Variants in ATF7IP2 observed in about 807,000 individuals in gnomAD.
ATF7IP2 encodes activating transcription factor 7-interacting protein 2.
A neutral mutation model predicts 64.2 loss-of-function variants in ATF7IP2; 42 were observed. The ratio of observed to expected loss-of-function variants is 0.65; its 90% confidence interval spans 0.51 to 0.85. ATF7IP2 has a LOEUF of 0.85. ATF7IP2 is among the 40% of genes least tolerant of loss of function. The probability of loss-of-function intolerance (pLI) is 0.00; values close to 1 mark genes in which losing one functional copy is unlikely to be tolerated. For missense variants in ATF7IP2, 933 were observed against 784.2 expected, an observed-to-expected ratio of 1.19 and a Z score of -2.27; for synonymous variants, 308 against 272.8, an observed-to-expected ratio of 1.13 and a Z score of -1.27.
chr16:10,479,958 C>CTTTTTTT (rs201158427), intron 12 of ATF7IP2, among the ~76,000 whole-genome samples: 27 of 80,588 alleles, frequency 3.4e-4, no homozygotes, highest in Admixed American at 9.9e-4. Flanking sequence ...ACTGGAAATA[C>CTTTTTTT]TTTTTTTTTT....
rs759906682 is a variant in ATF7IP2 at position 10,480,915 on chromosome 16, C to T, written c.1586C>T (p.Ala529Val). 1 of 1,613,240 alleles carries T rather than the reference C, an allele frequency of 6.2e-7. No individual in the cohort carries two copies. Among genetic ancestry groups the T allele is most frequent in the South Asian group, 1.1e-5 (1 of 91,046 alleles). ...PVSPLESHSK[A>V]ASNSKETTPL... ...TCCCCCCTGGAGTCACATTCGAAAG[C>T]TGCTTCAAACTCAAAGGAAACAACC... Residue 529 changes from alanine to valine, a missense_variant, in exon 13 of 14, where the codon GCT becomes GTT. Physicochemically the swap from Ala to Val is moderately conservative, Grantham distance 64 (BLOSUM62 0). Transcript: ENST00000562102.
intron 1 of ATF7IP2, among the ~76,000 whole-genome samples, chr16:10,408,752 T>A (rs1488286696): frequency 6.6e-6 from 1 of 152,246 alleles, no homozygotes; most frequent in Middle Eastern, 3.2e-3. Context: ...ATTTGTTGGA[T>A]GTATAGGTTA....
intron 1 of ATF7IP2, among the ~76,000 whole-genome samples, chr16:10,406,296 G>C (rs1436341731): frequency 6.6e-6 from 1 of 152,006 alleles, no homozygotes; most frequent in Non-Finnish European, 1.5e-5. Flanking sequence ...TGTAGAGATG[G>C]GGTTTTGCCA....
intron 2 of ATF7IP2, among the ~76,000 whole-genome samples, chr16:10,414,981 C>T (rs1262879433): frequency 6.6e-6 from 1 of 151,922 alleles, no homozygotes; most frequent in African/African-American, 2.4e-5. Context: ...TTGAAGAGGA[C>T]ACAAAAAAAT....
chr16:10,438,908 T>C (rs1018586348), intron 7 of ATF7IP2, among the ~76,000 whole-genome samples: 1 of 151,906 alleles, frequency 6.6e-6, no homozygotes, highest in Non-Finnish European at 1.5e-5. Flanking sequence ...CAAAAATTAG[T>C]TGGGCATGGT....
intron 7 of ATF7IP2, 51 bp from the exon 8 acceptor site, chr16:10,440,298 CCCTCTATCTCTATGT>C: frequency 2.8e-6 from 2 of 718,142 alleles, no homozygotes; most frequent in South Asian, 4.9e-5. Context: ...AAATAATTTA[CCCTCTATCTCTATGT>C]GATATATAGT....
rs529744809 is a variant in ATF7IP2, at chr16:10,440,812, A to G, written c.1194+350A>G. Among the ~76,000 whole-genome samples the G allele has an allele frequency of 2.7e-4, 41 of 152,332 alleles. No homozygotes were observed. In the South Asian group the frequency reaches 7.2e-3, roughly 27 times the overall value. On this transcript the variant is annotated intron_variant, in intron 8 of 13. Transcript: ENST00000562102. ...CATGAGCAAAATGTGCAGTTGCATT[A>G]CATAGGTATACACGTGTCATGGTGG...
intron 8 of ATF7IP2, among the ~76,000 whole-genome samples, chr16:10,443,524 C>T (rs1401607768): frequency 1.3e-5 from 2 of 152,216 alleles, no homozygotes; most frequent in African/African-American, 2.4e-5. Flanking sequence ...GTTGAGAGTG[C>T]AAACAGAATA....
intron 1 of ATF7IP2, among the ~76,000 whole-genome samples, chr16:10,413,305 A>G (rs1044031103): frequency 6.6e-6 from 1 of 152,186 alleles, no homozygotes; most frequent in Non-Finnish European, 1.5e-5. Context: ...TTCTCGTGAT[A>G]GTGAATAAGT....
chr16:10,461,792 C>T (rs1031653219), intron 9 of ATF7IP2, among the ~76,000 whole-genome samples: 3 of 152,060 alleles, frequency 2.0e-5, no homozygotes, highest in Non-Finnish European at 4.4e-5. Context: ...AATTTACTTA[C>T]CTGAATATGG....
At chr16:10,400,201 T>C (rs2047500658) in intron 1 of ATF7IP2, among the ~76,000 whole-genome samples, 2 of 152,034 alleles carry the variant, frequency 1.3e-5, no homozygotes, top group South Asian at 4.2e-4. Context: ...CCACCACGCC[T>C]GGCTAATTTT....
In ATF7IP2 at chr16:10,457,450, T is replaced by A; in HGVS notation, c.1273T>A (p.Tyr425Asn). 6.2e-7 allele frequency: 1 copy of A among 1,607,428 alleles called. No homozygotes were observed. The highest frequency in any genetic ancestry group is 8.5e-7 in the Non-Finnish European group (1 of 1,177,136). Reference sequence around the variant, plus strand: ...TCCAATTGAAAAGTCTTCTGTGAATTATGAGCCTTCTAACCCTTCCGAAAA... The same window carrying A: ...TCCAATTGAAAAGTCTTCTGTGAATAATGAGCCTTCTAACCCTTCCGAAAA... ...NSPIEKSSVN[Y>N]EPSNPSEKGS... Residue 425 changes from tyrosine (Y) to asparagine (N), a missense_variant, in exon 9 of 14, where the codon TAT (tyrosine) becomes AAT (asparagine). Transcript: ENST00000562102.
intron 9 of ATF7IP2, among the ~76,000 whole-genome samples, chr16:10,458,300 A>G (rs1346671238): frequency 6.6e-6 from 1 of 152,216 alleles, no homozygotes; most frequent in Non-Finnish European, 1.5e-5. Flanking sequence ...GATGAAGGCA[A>G]GAGCTACATT....
intron 1 of ATF7IP2, among the ~76,000 whole-genome samples, chr16:10,398,209 C>T (rs2047456222): frequency 1.3e-5 from 2 of 151,878 alleles, no homozygotes; most frequent in African/African-American, 2.4e-5. Flanking sequence ...GAGGCTGAGG[C>T]AGGAGAATTG....
intron 2 of ATF7IP2, among the ~76,000 whole-genome samples, chr16:10,416,901 C>G (rs2047890346): frequency 6.6e-6 from 1 of 152,176 alleles, no homozygotes; most frequent in African/African-American, 2.4e-5. Flanking sequence ...TTAAAAATAA[C>G]TAAGACTATA....
At chr16:10,438,002 A>G in intron 6 of ATF7IP2, 99 bp from the exon 7 acceptor site, 1 of 852,682 alleles carries the variant, frequency 1.2e-6, no homozygotes. Flanking sequence ...TTAATTGGTT[A>G]CAGTAAATCT....
At chr16:10,478,225 G>C (rs2050082558) in intron 12 of ATF7IP2, among the ~76,000 whole-genome samples, 1 of 149,392 alleles carries the variant, frequency 6.7e-6, no homozygotes, top group Non-Finnish European at 1.5e-5. Flanking sequence ...AACAAAGCTG[G>C]AGGCATCACA....
intron 12 of ATF7IP2, 34 bp from the exon 13 acceptor site, chr16:10,480,845 A>G: frequency 2.1e-6 from 3 of 1,410,438 alleles, no homozygotes; most frequent in Non-Finnish European, 3.0e-6. Context: ...TATTGCAGAT[A>G]AGATTTACTT....
chr16:10,420,551 T>G (rs1048093823), intron 3 of ATF7IP2, among the ~76,000 whole-genome samples: 2 of 152,236 alleles, frequency 1.3e-5, no homozygotes, highest in African/African-American at 4.8e-5. Flanking sequence ...GTGTCTGTCT[T>G]AGATACTGCA....
Sources: allele counts gnomAD v4.1 joint callset (sites outside exome capture counted in the v4.1 genomes callset), GRCh38; gene constraint gnomAD v4.1.1; transcripts MANE v1.5; gene names NCBI Gene and HGNC (gene_info 2026-07-23, HGNC 2026-07-21).